CYRIA: variants seen among roughly 807,000 people sequenced by gnomAD.
CYRIA encodes the protein CYFIP related Rac1 interactor A, also known as CYFIP-related Rac1 interactor A.
CYRIA carries 15 observed loss-of-function variants against 43.9 expected under a neutral mutation model. The ratio of observed to expected loss-of-function variants is 0.34; its 90% CI spans 0.23 to 0.53. CYRIA has a LOEUF of 0.53. Among genes scored for constraint, CYRIA ranks in the 20% least tolerant of loss-of-function variants. The pLI is 0.94. For missense variants in CYRIA, 236 were observed against 394.2 expected (o/e 0.60, Z 3.40); for synonymous variants, 117 against 136.0 (o/e 0.86, Z 0.97).
intron 1 of CYRIA, among the ~76,000 whole-genome samples, chr2:16,641,522 G>A (rs1669676112): frequency 6.6e-6 from 1 of 152,174 alleles, no homozygotes. Flanking sequence ...TTTGTCCTCT[G>A]AACTCTCATA....
chr2:16,575,745 A>G (rs1667315664), intron 3 of CYRIA, among the ~76,000 whole-genome samples: 1 of 151,798 alleles, frequency 6.6e-6, no homozygotes, highest in South Asian at 2.1e-4. Flanking sequence ...AGTCCCAGCT[A>G]CTCGGGAGGC....
chr2:16,657,610 C>G (rs1340172034), intron 1 of CYRIA, among the ~76,000 whole-genome samples: 2 of 152,118 alleles, frequency 1.3e-5, no homozygotes, highest in African/African-American at 4.8e-5. Context: ...ACCATACCCT[C>G]TAATATCCAA....
chr2:16,648,481 T>C (rs894232388), intron 1 of CYRIA, among the ~76,000 whole-genome samples: 1 of 152,214 alleles, frequency 6.6e-6, no homozygotes, highest in Non-Finnish European at 1.5e-5. Flanking sequence ...TCTGTGCCAC[T>C]AGAGTTATTT....
chr2:16,654,429 A>G (rs536641201), intron 1 of CYRIA, among the ~76,000 whole-genome samples: 1 of 152,326 alleles, frequency 6.6e-6, no homozygotes, highest in Non-Finnish European at 1.5e-5. Flanking sequence ...CAAAGAAATC[A>G]AGCTATGATC....
At chr2:16,648,385 G>A (rs1669878029) in intron 1 of CYRIA, among the ~76,000 whole-genome samples, 1 of 150,240 alleles carries the variant, frequency 6.7e-6, no homozygotes, top group Non-Finnish European at 1.5e-5. Context: ...CCCAAAGAAA[G>A]ACACAACAAT....
At chr2:16,662,743 G>A (rs986120729) in intron 1 of CYRIA, among the ~76,000 whole-genome samples, 1 of 152,202 alleles carries the variant, frequency 6.6e-6, no homozygotes, top group African/African-American at 2.4e-5. Flanking sequence ...GTGGACAGTG[G>A]AAGGACAAAT....
chr2:16,575,143 C>T (rs1472739561), intron 3 of CYRIA, among the ~76,000 whole-genome samples: 1 of 152,148 alleles, frequency 6.6e-6, no homozygotes. Flanking sequence ...CATGTTGTAG[C>T]CCCTCTGTTT....
intron 5 of CYRIA, 95 bp from the exon 6 acceptor site, chr2:16,562,236 T>C (rs1304492970): frequency 7.4e-7 from 1 of 1,349,398 alleles, no homozygotes; most frequent in Admixed American, 2.2e-5. Context: ...ATCTCGGAGA[T>C]CACCTGCTTG....
intron 2 of CYRIA, among the ~76,000 whole-genome samples, chr2:16,599,723 G>C (rs1179129752): frequency 2.0e-5 from 3 of 151,904 alleles, no homozygotes; most frequent in East Asian, 1.9e-4. Context: ...CTGTAGACCG[G>C]AGCTGTTCCT....
chr2:16,592,257 A>G (rs1572488080), intron 2 of CYRIA, among the ~76,000 whole-genome samples: 1 of 152,090 alleles, frequency 6.6e-6, no homozygotes, highest in Admixed American at 6.6e-5. Context: ...AACACTTCTG[A>G]CCCCAAGCAT....
intron 1 of CYRIA, among the ~76,000 whole-genome samples, chr2:16,660,473 T>C (rs989280695): frequency 2.4e-4 from 36 of 152,188 alleles, no homozygotes; most frequent in Admixed American, 4.6e-4. Context: ...CTCAGCACAC[T>C]GCACTTTGTA....
chr2:16,568,078 T>C (rs1192201107), intron 3 of CYRIA, among the ~76,000 whole-genome samples: 1 of 152,142 alleles, frequency 6.6e-6, no homozygotes, highest in Non-Finnish European at 1.5e-5. Flanking sequence ...GCTTCCCATA[T>C]CCAAAAATCT....
At chr2:16,622,639 C>T (rs963534302) in intron 2 of CYRIA, among the ~76,000 whole-genome samples, 1 of 152,216 alleles carries the variant, frequency 6.6e-6, no homozygotes, top group African/African-American at 2.4e-5. Flanking sequence ...CCCTACCTTA[C>T]AGGTGGGGAA....
chr2:16,653,840 G>A (rs1670033320), intron 1 of CYRIA, among the ~76,000 whole-genome samples: 1 of 152,198 alleles, frequency 6.6e-6, no homozygotes, highest in Admixed American at 6.5e-5. Flanking sequence ...GCTCATGTGT[G>A]ATCCTGCGTA....
intron 2 of CYRIA, among the ~76,000 whole-genome samples, chr2:16,609,985 A>G (rs1214150024): frequency 6.6e-6 from 1 of 152,168 alleles, no homozygotes; most frequent in Non-Finnish European, 1.5e-5. Context: ...GTAACCCAAG[A>G]TGGTACTCAG....
rs180913257 is a variant in CYRIA at position 16,571,396 on chromosome 2, T to G, written c.71-5629A>C. Among the ~76,000 whole-genome samples the G allele has an allele frequency of 3.4e-3, 520 of 152,240 alleles. 3 individuals are homozygous for G. Among genetic ancestry groups the G allele is most frequent in the Non-Finnish European group, 4.6e-3 (311 of 68,010 alleles). ...GAGAAGAAGGTGGCTATGTGCTTTGTTTTTGGGGAAGGTCTTCGGTGAACC... is the reference window on the plus strand; with the variant it reads ...GAGAAGAAGGTGGCTATGTGCTTTGGTTTTGGGGAAGGTCTTCGGTGAACC... On this transcript the variant is annotated intron_variant, in intron 3 of 11. Transcript: ENST00000381323.
At chr2:16,629,562 G>A (rs142406395) in intron 1 of CYRIA, among the ~76,000 whole-genome samples, 33 of 152,288 alleles carry the variant, frequency 2.2e-4, no homozygotes, top group African/African-American at 7.2e-4. Flanking sequence ...ATAGGACCTC[G>A]AGGCCAGGGA....
chr2:16,587,310 T>C (rs1410448957), intron 3 of CYRIA, among the ~76,000 whole-genome samples: 1 of 152,152 alleles, frequency 6.6e-6, no homozygotes, highest in African/African-American at 2.4e-5. Context: ...ATACAGTAAT[T>C]CATAAACATT....
At chr2:16,571,647 G>C (rs535220525) in intron 3 of CYRIA, among the ~76,000 whole-genome samples, 2 of 152,284 alleles carry the variant, frequency 1.3e-5, no homozygotes, top group South Asian at 4.1e-4. Context: ...GATGTCTTTG[G>C]TTTTGAAAGA....
Sources: gnomAD v4.1 joint callset for allele counts (sites outside exome capture counted in the v4.1 genomes callset) on GRCh38, gnomAD v4.1.1 for gene constraint, MANE v1.5 for transcripts, NCBI Gene and HGNC (gene_info 2026-07-23, HGNC 2026-07-21) for gene names.